Variants in GPR143 observed in about 807,000 individuals in gnomAD.
GPR143 encodes G protein-coupled receptor 143, also known as G-protein coupled receptor 143.
A neutral mutation model predicts 27.6 loss-of-function variants in GPR143; 8 were observed. The observed-to-expected ratio is 0.29, with a 90% CI of 0.17 to 0.52. GPR143 has a LOEUF of 0.52. Among genes scored for constraint, GPR143 ranks in the 20% least tolerant of loss-of-function variants. GPR143 has a pLI of 0.96. For synonymous variants in GPR143, 156 were observed against 153.2 expected, an observed-to-expected ratio of 1.02 and a Z score of -0.13; for missense variants, 303 against 343.1, an observed-to-expected ratio of 0.88 and a Z score of 0.92.
chrX:9,728,667 AAAAG>A (rs2083340575), intron 8 of GPR143, among the ~76,000 whole-genome samples: 2 of 95,140 alleles, frequency 2.1e-5, no homozygotes, highest in East Asian at 4.1e-4. Flanking sequence ...AAAAAAAAAA[AAAAG>A]GCATGATTGC....
chrX:9,734,265 A>G (rs1021106047), intron 8 of GPR143, among the ~76,000 whole-genome samples: 1 of 110,583 alleles, frequency 9.0e-6, no homozygotes, highest in Non-Finnish European at 1.9e-5. Context: ...GAAGAATGCC[A>G]AATTATGGGA....
chrX:9,745,340 C>A (rs1009216877), intron 5 of GPR143, among the ~76,000 whole-genome samples: 1 of 112,638 alleles, frequency 8.9e-6, no homozygotes, highest in East Asian at 2.8e-4. Context: ...GTACTCTCAA[C>A]AATGTTTTTA....
intron 4 of GPR143, among the ~76,000 whole-genome samples, chrX:9,748,336 G>A (rs954492831): frequency 4.4e-5 from 5 of 112,829 alleles, no homozygotes; most frequent in Admixed American, 9.3e-5. Context: ...GTGTGCATGG[G>A]TGCCTATGCA....
At chrX:9,726,074 C>A in intron 8 of GPR143, 1 of 575,348 alleles carries the variant, frequency 1.7e-6, no homozygotes, top group Non-Finnish European at 2.1e-6. Context: ...ACGGATGACA[C>A]AAGCCCTACA....
intron 8 of GPR143, among the ~76,000 whole-genome samples, chrX:9,734,246 G>T (rs961575508): frequency 1.8e-5 from 2 of 110,796 alleles, no homozygotes; most frequent in Non-Finnish European, 3.8e-5. Flanking sequence ...AGAGACAGGG[G>T]ACTGTGGGGA....
chrX:9,748,668 T>A lies in GPR143; in HGVS notation c.456-2A>T. The A allele has an allele frequency of 8.5e-7, 1 of 1,182,004 alleles. No homozygotes were observed. Among genetic ancestry groups the A allele is most frequent in the Non-Finnish European group, 1.2e-6 (1 of 869,386 alleles). On this transcript the variant is annotated splice_acceptor_variant, in intron 3 of 8. Transcript: ENST00000467482. LOFTEE classifies it high-confidence loss of function. ...ATGATGTGATACAGCAGGATGGTGC[T>A]AGGGGACAAGCACAACAGCAGCCAC...
At chrX:9,741,710 A>C (rs2083405176) in intron 6 of GPR143, among the ~76,000 whole-genome samples, 1 of 110,665 alleles carries the variant, frequency 9.0e-6, no homozygotes, top group Non-Finnish European at 1.9e-5. Flanking sequence ...AACACAGTGA[A>C]ATTTGTCTCT....
Position 9,759,319 on chromosome X carries a change from C to A in GPR143, c.455+13G>T. On this transcript the variant is annotated intron_variant, in intron 3 of 8. Transcript: ENST00000467482. The stretch of plus-strand genomic sequence containing the variant: ...TAGAACTAGGGCAGAAATCCCATTT[C>A]CTCGGTGAATACCTCAGTCCTGCCG... 9.2e-7 allele frequency: 1 copy of A among 1,086,045 alleles called. No homozygotes were observed. Among genetic ancestry groups the A allele is most frequent in the East Asian group, 3.1e-5 (1 of 32,347 alleles). 89.5% of individuals were successfully genotyped at this position (1,086,045 alleles called of 1,213,427 possible). A position where few individuals can be genotyped will look rare whatever the true frequency, so the allele number is the denominator to read the frequency against.
chrX:9,745,732 A>T (rs1326013748), intron 5 of GPR143, among the ~76,000 whole-genome samples: 3 of 110,926 alleles, frequency 2.7e-5, no homozygotes, highest in Admixed American at 1.9e-4. Flanking sequence ...TGTTCCTCTC[A>T]CACCTCCACA....
At chrX:9,747,267 A>G (rs2083433149) in intron 4 of GPR143, among the ~76,000 whole-genome samples, 1 of 111,016 alleles carries the variant, frequency 9.0e-6, no homozygotes, top group Non-Finnish European at 1.9e-5. Flanking sequence ...GACTGTGAGC[A>G]TGAAGAACAC....
At chrX:9,734,431 G>T (rs191648816) in intron 8 of GPR143, among the ~76,000 whole-genome samples, 61 of 111,438 alleles carry the variant, frequency 5.5e-4, no homozygotes, top group African/African-American at 2.0e-3. Context: ...CGGGGTGGGT[G>T]TCATATGGAA....
chrX:9,765,333 C>T (rs1395415755), intron 1 of GPR143, among the ~76,000 whole-genome samples: 1 of 112,260 alleles, frequency 8.9e-6, no homozygotes, highest in East Asian at 2.9e-4. Context: ...ACCCGCGGGC[C>T]TCAAGCCCTC....
At chrX:9,768,008 C>T (rs897361632), upstream of GPR143, among the ~76,000 whole-genome samples, 1 of 111,638 alleles carries the variant, frequency 9.0e-6, no homozygotes, top group Non-Finnish European at 1.9e-5. Context: ...CTGCTTCCTA[C>T]GTGATAACCT....
intron 6 of GPR143, among the ~76,000 whole-genome samples, chrX:9,742,551 A>G (rs1212255194): frequency 8.9e-6 from 1 of 112,160 alleles, no homozygotes; most frequent in Non-Finnish European, 1.9e-5. Flanking sequence ...TTTTAACATC[A>G]TAAGTACTTG....
In GPR143 at chrX:9,759,323, G is replaced by C. The variant is rs771486573; in HGVS notation, c.455+9C>G. 1 of 1,104,416 alleles carries C rather than the reference G, an allele frequency of 9.1e-7. No individual in the cohort carries two copies. Among genetic ancestry groups the C allele is most frequent in the East Asian group, 3.1e-5 (1 of 32,535 alleles). The allele number at this position is 1,104,416 out of a possible 1,213,427, so 91.0% of individuals were successfully genotyped here. ...ACTAGGGCAGAAATCCCATTTCCTC[G>C]GTGAATACCTCAGTCCTGCCGATCT... On this transcript the variant is annotated intron_variant, in intron 3 of 8. Transcript: ENST00000467482.
intron 1 of GPR143, among the ~76,000 whole-genome samples, chrX:9,775,631 C>T (rs1010136339): frequency 9.0e-6 from 1 of 111,725 alleles, no homozygotes; most frequent in Non-Finnish European, 1.9e-5. Context: ...ATGAGTACTG[C>T]CACAAGAGGG....
intron 3 of GPR143, among the ~76,000 whole-genome samples, chrX:9,754,765 C>G (rs768778773): frequency 8.9e-6 from 1 of 111,911 alleles, no homozygotes; most frequent in African/African-American, 3.2e-5. Flanking sequence ...GACCCCATCC[C>G]TTTTCCCCCA....
At chrX:9,749,896 C>T (rs539656227) in intron 3 of GPR143, among the ~76,000 whole-genome samples, 1 of 112,657 alleles carries the variant, frequency 8.9e-6, no homozygotes, top group East Asian at 2.8e-4. Flanking sequence ...TCCTGAGTAG[C>T]TGGGACCACA....
rs376337278 is a variant in GPR143 at position 9,760,756 on chromosome X, G to A, written c.321C>T (p.His107=). ...NFVDSVSDMN[H]TEIWPAAFCV... is the part of the protein sequence containing the mutation. The stretch of plus-strand genomic sequence containing the variant: ...AGAAAGCAGCAGGCCAAATTTCCGT[G>A]TGGTTCATATCCGAGACGCTGTCAA... The change falls in exon 2 of 9, where the codon CAC becomes CAT. Residue 107 remains histidine, a synonymous_variant. Transcript: ENST00000467482. 1 of 1,199,314 alleles carries A rather than the reference G, an allele frequency of 8.3e-7. No homozygotes were observed. Among genetic ancestry groups the A allele is most frequent in the Non-Finnish European group, 1.1e-6 (1 of 886,491 alleles).
Sources: allele counts gnomAD v4.1 joint callset (sites outside exome capture counted in the v4.1 genomes callset), GRCh38; gene constraint gnomAD v4.1.1; transcripts MANE v1.5; gene names NCBI Gene and HGNC (gene_info 2026-07-23, HGNC 2026-07-21).